Variants in LNPEP observed in about 807,000 individuals in gnomAD.
LNPEP encodes leucyl and cystinyl aminopeptidase, also known as leucyl-cystinyl aminopeptidase.
In LNPEP, 64 loss-of-function variants were observed where a neutral mutation model predicts 120.6. That is an observed-to-expected ratio of 0.53 (90% CI 0.43 to 0.65). The LOEUF (loss-of-function observed/expected upper bound fraction) is 0.65, where lower values mean the gene tolerates loss of function less well. Among genes scored for constraint, LNPEP ranks in the 30% least tolerant of loss-of-function variants. LNPEP has a pLI of 0.00. For missense variants in LNPEP, 1,057 were observed against 1,200.0 expected (o/e 0.88, Z 1.76); for synonymous variants, 435 against 425.4 (o/e 1.02, Z -0.28).
chr5:96,947,117 G>A (rs1789202701), intron 1 of LNPEP, among the ~76,000 whole-genome samples: 2 of 152,144 alleles, frequency 1.3e-5, no homozygotes, highest in Non-Finnish European at 2.9e-5. Flanking sequence ...TTGCAGCTAT[G>A]CAGATTTGCT....
At chr5:97,009,720 G>A (rs1790879607) in intron 11 of LNPEP, among the ~76,000 whole-genome samples, 1 of 152,026 alleles carries the variant, frequency 6.6e-6, no homozygotes, top group Admixed American at 6.6e-5. Context: ...TGCCATTTCG[G>A]GTTTAGAGAG....
intron 11 of LNPEP, among the ~76,000 whole-genome samples, chr5:97,008,801 A>T (rs1790855121): frequency 6.6e-6 from 1 of 150,842 alleles, no homozygotes; most frequent in Admixed American, 6.6e-5. Context: ...AGTAGCTGGG[A>T]CTACAGGCGC....
chr5:97,014,841 C>A, intron 12 of LNPEP, 98 bp from the exon 13 acceptor site: 1 of 856,832 alleles, frequency 1.2e-6, no homozygotes, highest in Non-Finnish European at 1.6e-6. Flanking sequence ...TTTTGGTCTC[C>A]AAGACTCACC....
intron 13 of LNPEP, among the ~76,000 whole-genome samples, chr5:97,019,622 C>T (rs1791144088): frequency 6.6e-6 from 1 of 152,188 alleles, no homozygotes; most frequent in Non-Finnish European, 1.5e-5. Flanking sequence ...CAGCCATCTT[C>T]AAGTGTCAGA....
intron 6 of LNPEP, 58 bp downstream of exon 6, chr5:96,994,029 T>C: frequency 7.1e-7 from 1 of 1,417,574 alleles, no homozygotes; most frequent in Non-Finnish European, 9.7e-7. Context: ...TGTCCTGGAG[T>C]TATTGTTAGC....
Position 96,942,547 on chromosome 5 carries a change from G to A in LNPEP, c.19+6373G>A, listed in dbSNP as rs540120044. On this transcript the variant is annotated intron_variant, in intron 1 of 17. Transcript: ENST00000231368. Reference sequence around the variant, plus strand: ...CACGTGCCTGAAATCCCAGCTACTCGGGAGGCTGAGGCACAAGAATCACTT... The same window carrying A: ...CACGTGCCTGAAATCCCAGCTACTCAGGAGGCTGAGGCACAAGAATCACTT... Among the ~76,000 whole-genome samples, 31 of 151,792 alleles carry A rather than the reference G, an allele frequency of 2.0e-4. No homozygotes were observed. In the South Asian group the frequency reaches 6.3e-3, roughly 31 times the overall value.
intron 1 of LNPEP, among the ~76,000 whole-genome samples, chr5:96,971,876 GTCT>G (rs1789872369): frequency 6.6e-6 from 1 of 151,762 alleles, no homozygotes; most frequent in Non-Finnish European, 1.5e-5. Flanking sequence ...AATAAAACAC[GTCT>G]TCTTCAGGGA....
Position 96,936,325 on chromosome 5 carries a change from G to A in LNPEP, c.19+151G>A, listed in dbSNP as rs537221180. ...AGGGAGGCAGGGAGAGGGGATCTGG[G>A]GGAGGCAGGGAGGTTCGGGGGGCGG... On this transcript the variant is annotated intron_variant, in intron 1 of 17. Transcript: ENST00000231368. 74 of 562,098 alleles carry A rather than the reference G, an allele frequency of 1.3e-4. 1 individual carries two copies. Among genetic ancestry groups the A allele is most frequent in the African/African-American group, 1.2e-3 (63 of 50,846 alleles). 34.8% of individuals were successfully genotyped at this position (562,098 alleles called of 1,614,324 possible).
Position 96,954,733 on chromosome 5 carries a change from TAC to T in LNPEP, c.19+18561_19+18562del, listed in dbSNP as rs1347942321. Among the ~76,000 whole-genome samples, 3 of 105,042 alleles carry T rather than the reference TAC, an allele frequency of 2.9e-5. 1 individual carries two copies. Among genetic ancestry groups the T allele is most frequent in the African/African-American group, 1.1e-4 (3 of 27,142 alleles). The allele number at this position is 105,042 out of a possible 152,430, so 68.9% of individuals were successfully genotyped here. A position where few individuals can be genotyped will look rare whatever the true frequency, so the allele number is the denominator to read the frequency against. On this transcript the variant is annotated intron_variant, in intron 1 of 17. Transcript: ENST00000231368. ...ATACACATATATATACATATATATA[TAC>T]ATATATATATACACATATATATATA...
chr5:96,973,899 C>G (rs896301781), intron 1 of LNPEP, among the ~76,000 whole-genome samples: 1 of 152,032 alleles, frequency 6.6e-6, no homozygotes, highest in African/African-American at 2.4e-5. Flanking sequence ...AAATTGTATC[C>G]CTCAATTGAT....
chr5:96,995,401 A>AT (rs1484945857), intron 6 of LNPEP, among the ~76,000 whole-genome samples: 1 of 152,038 alleles, frequency 6.6e-6, no homozygotes, highest in Non-Finnish European at 1.5e-5. Context: ...CATTTCAAGG[A>AT]TTTTTTTAGA....
intron 4 of LNPEP, among the ~76,000 whole-genome samples, chr5:96,989,366 A>AT (rs1165068726): frequency 3.8e-5 from 1 of 25,980 alleles, no homozygotes; most frequent in African/African-American, 1.2e-4. Context: ...TATTATATAT[A>AT]ATTATATATT....
At position 97,028,657 on chromosome 5, in the gene LNPEP, C is replaced by G; in HGVS notation, c.*124C>G. 1 of 926,594 alleles carries G rather than the reference C, an allele frequency of 1.1e-6. No individual in the cohort carries two copies. The highest frequency in any genetic ancestry group is 1.7e-6 in the Non-Finnish European group (1 of 600,766). The allele number at this position is 926,594 out of a possible 1,614,324, so 57.4% of individuals were successfully genotyped here. On this transcript the variant is annotated 3_prime_UTR_variant, in exon 18 of 18. Transcript: ENST00000231368. ...CAAGTTGTTTGCACTCTTTGGAGTT[C>G]TAGTTAGCTCAGGGCCTGACTGTAT...
intron 13 of LNPEP, among the ~76,000 whole-genome samples, chr5:97,021,923 G>GTTTTTTTTTTTTTTTTTTTTTTTTTT (rs1165456605): frequency 1.7e-5 from 1 of 57,192 alleles, no homozygotes; most frequent in Non-Finnish European, 3.1e-5. Flanking sequence ...TTTGTCTTTT[G>GTTTTTTTTTTTTTTTTTTTTTTTTTT]TTTTTTTTTT....
intron 11 of LNPEP, among the ~76,000 whole-genome samples, chr5:97,012,478 G>A (rs566320342): frequency 2.6e-5 from 4 of 152,152 alleles, no homozygotes; most frequent in African/African-American, 9.6e-5. Flanking sequence ...TTGTGACATA[G>A]TCATTATTTA....
Position 97,029,509 on chromosome 5 carries a change from A to G in LNPEP, c.*976A>G, listed in dbSNP as rs1298555034. On this transcript the variant is annotated 3_prime_UTR_variant, in exon 18 of 18. Coordinates refer to ENST00000231368, the MANE Select transcript of LNPEP (RefSeq NM_005575.3). ...CATAGAAACTTTCTCTCTGAATCAT[A>G]CCCATGTGTGAATTTTCATTTTATA... The G allele has an allele frequency of 6.6e-6, 1 of 152,340 alleles. No individual in the cohort carries two copies. The highest frequency in any genetic ancestry group is 1.9e-4 in the East Asian group (1 of 5,340). The allele number at this position is 152,340 out of a possible 1,614,324, so 9.4% of individuals were successfully genotyped here.
At chr5:97,002,163 ATACT>A (rs1412661273) in intron 8 of LNPEP, among the ~76,000 whole-genome samples, 1 of 152,046 alleles carries the variant, frequency 6.6e-6, no homozygotes, top group African/African-American at 2.4e-5. Flanking sequence ...AAATAAATAA[ATACT>A]TACAGTAGAG....
At chr5:97,007,598 A>G (rs543202273) in intron 11 of LNPEP, among the ~76,000 whole-genome samples, 1 of 152,322 alleles carries the variant, frequency 6.6e-6, no homozygotes, top group Non-Finnish European at 1.5e-5. Flanking sequence ...TTATTACCCT[A>G]TCAAAACTAT....
At chr5:96,966,968 A>T in intron 1 of LNPEP, among the ~76,000 whole-genome samples, 1 of 152,134 alleles carries the variant, frequency 6.6e-6, no homozygotes, top group East Asian at 1.9e-4. Flanking sequence ...TTTGCCTTTA[A>T]CACCAAAAAT....
Sources: gnomAD v4.1 joint callset for allele counts (sites outside exome capture counted in the v4.1 genomes callset) on GRCh38, gnomAD v4.1.1 for gene constraint, MANE v1.5 for transcripts, NCBI Gene and HGNC (gene_info 2026-07-23, HGNC 2026-07-21) for gene names.